Variants in KIAA1328 observed in about 807,000 individuals in gnomAD.
KIAA1328 encodes the protein protein hinderin.
KIAA1328 carries 52 observed loss-of-function variants against 68.1 expected under a neutral mutation model. The observed-to-expected ratio is 0.76, with a 90% CI of 0.61 to 0.96. The LOEUF (loss-of-function observed/expected upper bound fraction) is 0.96, where lower values mean the gene tolerates loss of function less well. Among genes scored for constraint, KIAA1328 ranks in the 40% least tolerant of loss-of-function variants. KIAA1328 has a pLI of 0.00. For missense variants in KIAA1328, 641 were observed against 677.6 expected (o/e 0.95, Z 0.60); for synonymous variants, 232 against 239.4 (o/e 0.97, Z 0.28).
intron 5 of KIAA1328, among the ~76,000 whole-genome samples, chr18:36,956,433 C>T (rs1363866198): frequency 6.6e-6 from 1 of 151,820 alleles, no homozygotes; most frequent in African/African-American, 2.4e-5. Flanking sequence ...TGTTCTTTTT[C>T]ATTGTACCCC....
chr18:37,047,949 T>A (rs74521771), intron 6 of KIAA1328, among the ~76,000 whole-genome samples: 1 of 152,318 alleles, frequency 6.6e-6, no homozygotes, highest in East Asian at 1.9e-4. Flanking sequence ...CCAAATGTGT[T>A]TATTCATAAT....
intron 4 of KIAA1328, among the ~76,000 whole-genome samples, chr18:36,850,230 T>C (rs1179404359): frequency 2.6e-5 from 4 of 152,112 alleles, no homozygotes; most frequent in Non-Finnish European, 5.9e-5. Flanking sequence ...TTTTATTTTA[T>C]TCATTTTGAT....
At chr18:36,965,343 G>A (rs2051876075) in intron 6 of KIAA1328, among the ~76,000 whole-genome samples, 1 of 151,670 alleles carries the variant, frequency 6.6e-6, no homozygotes, top group Non-Finnish European at 1.5e-5. Context: ...AATCTGAAAT[G>A]TACTAAAGAT....
At chr18:37,088,459 T>C (rs1429882049) in intron 7 of KIAA1328, among the ~76,000 whole-genome samples, 1 of 152,182 alleles carries the variant, frequency 6.6e-6, no homozygotes, top group Admixed American at 6.5e-5. Context: ...TGAGCACTTT[T>C]CTATGTTTAT....
chr18:37,130,958 T>C (rs1248348615), intron 7 of KIAA1328, among the ~76,000 whole-genome samples: 4 of 152,206 alleles, frequency 2.6e-5, no homozygotes, highest in African/African-American at 7.2e-5. Context: ...TATCATTTTA[T>C]TGGGTAATTA....
At chr18:36,873,483 A>G (rs2048015687) in intron 4 of KIAA1328, among the ~76,000 whole-genome samples, 1 of 152,156 alleles carries the variant, frequency 6.6e-6, no homozygotes, top group Admixed American at 6.5e-5. Context: ...TTGTAAACTA[A>G]GCTGAGATGT....
rs371402053 is a variant in KIAA1328 at position 37,053,729 on chromosome 18, AACTC to A, written c.577-13153_577-13150del. Among the ~76,000 whole-genome samples the A allele has an allele frequency of 5.8e-4, 89 of 152,206 alleles. No individual in the cohort carries two copies. The East Asian group carries it at 0.014, about 24-fold the overall frequency. On this transcript the variant is annotated intron_variant, in intron 6 of 9. Transcript: ENST00000280020. The stretch of plus-strand genomic sequence containing the variant: ...ATATCCTTCTTCACGATCTTGTGAG[AACTC>A]ACTCACTATCACGAGAACAGCATGG...
chr18:37,160,431 A>C (rs761397091), intron 8 of KIAA1328, 50 bp downstream of exon 8: 1 of 1,506,038 alleles, frequency 6.6e-7, no homozygotes, highest in South Asian at 1.2e-5. Flanking sequence ...AGGGGAAGGT[A>C]GTTGCTAGCC....
intron 7 of KIAA1328, among the ~76,000 whole-genome samples, chr18:37,102,324 G>T (rs1000760952): frequency 1.3e-5 from 2 of 152,168 alleles, no homozygotes; most frequent in African/African-American, 2.4e-5. Flanking sequence ...TGGATGCTGG[G>T]CTTAATACCT....
chr18:36,905,247 G>A (rs964406436), intron 5 of KIAA1328, among the ~76,000 whole-genome samples: 2 of 151,900 alleles, frequency 1.3e-5, no homozygotes, highest in African/African-American at 4.8e-5. Context: ...AAATAGCTGG[G>A]ACTAGAGGCA....
chr18:36,916,811 G>A (rs919377842), intron 5 of KIAA1328, among the ~76,000 whole-genome samples: 1 of 151,968 alleles, frequency 6.6e-6, no homozygotes, highest in Non-Finnish European at 1.5e-5. Flanking sequence ...ACAGAGTCTC[G>A]CTATGTTGCC....
chr18:36,949,597 T>TCCC (rs71168248), intron 5 of KIAA1328, among the ~76,000 whole-genome samples: 1,257 of 57,150 alleles, frequency 0.022, 25 homozygotes, highest in East Asian at 0.032. Context: ...TCTACCCAGC[T>TCCC]CCCCCCCCCC....
At chr18:37,163,161 C>T (rs528211970) in intron 8 of KIAA1328, among the ~76,000 whole-genome samples, 1 of 152,310 alleles carries the variant, frequency 6.6e-6, no homozygotes, top group African/African-American at 2.4e-5. Context: ...GCCTAGAACC[C>T]CCCTTTCCTG....
At chr18:36,906,349 C>T (rs550758071) in intron 5 of KIAA1328, among the ~76,000 whole-genome samples, 1 of 152,290 alleles carries the variant, frequency 6.6e-6, no homozygotes, top group African/African-American at 2.4e-5. Flanking sequence ...CTATTTAACT[C>T]TGCCTTCTCC....
chr18:37,047,761 A>T (rs2055532869), intron 6 of KIAA1328, among the ~76,000 whole-genome samples: 1 of 152,144 alleles, frequency 6.6e-6, no homozygotes, highest in African/African-American at 2.4e-5. Flanking sequence ...TTTATCACGT[A>T]AAATGGTTTT....
At chr18:36,959,035 G>A (rs1665535887) in intron 5 of KIAA1328, among the ~76,000 whole-genome samples, 1 of 151,766 alleles carries the variant, frequency 6.6e-6, no homozygotes, top group Non-Finnish European at 1.5e-5. Context: ...TCCTTTGCAT[G>A]TATCTGCATT....
intron 7 of KIAA1328, among the ~76,000 whole-genome samples, chr18:37,080,084 A>C (rs568579722): frequency 5.4e-4 from 83 of 152,328 alleles, no homozygotes; most frequent in Non-Finnish European, 9.8e-4. Context: ...CTCTGGTGGT[A>C]GGCAGAGAAT....
At chr18:36,920,291 A>G (rs2049868875) in intron 5 of KIAA1328, among the ~76,000 whole-genome samples, 1 of 152,166 alleles carries the variant, frequency 6.6e-6, no homozygotes, top group Non-Finnish European at 1.5e-5. Flanking sequence ...TCCCAACACC[A>G]TTTATTGAAT....
chr18:37,188,906 T>C (rs1234488632), intron 9 of KIAA1328, among the ~76,000 whole-genome samples: 1 of 152,242 alleles, frequency 6.6e-6, no homozygotes, highest in African/African-American at 2.4e-5. Context: ...AGACTTCACA[T>C]TCTTTTATGC....
Sources: gnomAD v4.1 joint callset for allele counts (sites outside exome capture counted in the v4.1 genomes callset) on GRCh38, gnomAD v4.1.1 for gene constraint, MANE v1.5 for transcripts, NCBI Gene and HGNC (gene_info 2026-07-23, HGNC 2026-07-21) for gene names.